SORL1: variants seen among roughly 807,000 people sequenced by gnomAD.
SORL1 encodes the protein sortilin-related receptor.
SORL1 carries 127 observed loss-of-function variants against 273.7 expected under a neutral mutation model. The observed-to-expected ratio is 0.46, with a 90% confidence interval of 0.40 to 0.54. The LOEUF (loss-of-function observed/expected upper bound fraction) is 0.54. Ranked by LOEUF, SORL1 falls within the 20% of genes least tolerant of loss-of-function variation. The probability of loss-of-function intolerance (pLI) is 0.00; values close to 1 mark genes in which losing one functional copy is unlikely to be tolerated. For missense variants in SORL1, 2,494 were observed against 2,846.1 expected, an observed-to-expected ratio of 0.88 and a Z score of 2.81; for synonymous variants, 1,031 against 1,067.4, an observed-to-expected ratio of 0.97 and a Z score of 0.66.
At chr11:121,620,125 AC>A (rs1274032304) in intron 43 of SORL1, among the ~76,000 whole-genome samples, 1 of 152,048 alleles carries the variant, frequency 6.6e-6, no homozygotes, top group Non-Finnish European at 1.5e-5. Context: ...ATTCCTAGCT[AC>A]CATTTTGGTT....
intron 14 of SORL1, among the ~76,000 whole-genome samples, chr11:121,547,963 C>G (rs1049172111): frequency 3.3e-5 from 5 of 152,146 alleles, no homozygotes; most frequent in African/African-American, 7.2e-5. Context: ...CTGGGAAGCC[C>G]AGCTATTGGC....
chr11:121,519,415 T>C (rs533763538), intron 8 of SORL1, among the ~76,000 whole-genome samples: 57 of 151,634 alleles, frequency 3.8e-4, no homozygotes, highest in African/African-American at 1.3e-3. Context: ...TCTCTCTCTT[T>C]TTTTTTTTTT....
At chr11:121,565,474 G>A (rs565647609) in intron 21 of SORL1, among the ~76,000 whole-genome samples, 48 of 152,246 alleles carry the variant, frequency 3.2e-4, no homozygotes, top group African/African-American at 1.1e-3. Flanking sequence ...CATGAACTTC[G>A]TCTAACCTGT....
intron 1 of SORL1, among the ~76,000 whole-genome samples, chr11:121,467,154 C>CT (rs1861096784): frequency 6.6e-6 from 1 of 151,574 alleles, no homozygotes; most frequent in African/African-American, 2.4e-5. Flanking sequence ...CTCAGCCTGC[C>CT]GAGTAGCTGG....
intron 6 of SORL1, among the ~76,000 whole-genome samples, chr11:121,506,350 A>T (rs892048611): frequency 6.6e-6 from 1 of 152,206 alleles, no homozygotes. Context: ...TTTACAAAAA[A>T]GGTTTATAAT....
At chr11:121,498,553 T>G (rs1861663707) in intron 6 of SORL1, among the ~76,000 whole-genome samples, 1 of 152,168 alleles carries the variant, frequency 6.6e-6, no homozygotes, top group Admixed American at 6.5e-5. Context: ...CCGGGTTATT[T>G]CTAGGTGTCA....
intron 27 of SORL1, among the ~76,000 whole-genome samples, chr11:121,587,247 C>G (rs928620171): frequency 6.6e-6 from 1 of 152,102 alleles, no homozygotes. Flanking sequence ...TTTAAGGAAC[C>G]ATCATGCAAT....
rs377348849 is a variant in SORL1 at position 121,583,542 on chromosome 11, C to T, written c.3665C>T (p.Thr1222Met). 60 of 1,612,244 alleles carry T rather than the reference C, an allele frequency of 3.7e-5. No individual in the cohort carries two copies. The highest frequency in any genetic ancestry group is 3.1e-4 in the African/African-American group (23 of 74,742). The change falls in exon 26 of 48, where the codon ACG becomes ATG. Residue 1222 changes from threonine to methionine, a missense_variant. By Grantham distance (81) the Thr-to-Met change is moderately conservative. This residue lies in a region of SORL1 where 1,609 missense variants were observed against 1,816.4 expected (regional missense o/e 0.89). Transcript: ENST00000260197. ...IPQRWACDGD[T>M]DCQDGSDEDP... ...CAGCGGTGGGCGTGTGACGGGGATA[C>T]GGACTGCCAGGATGGTTCCGATGAG...
intron 3 of SORL1, among the ~76,000 whole-genome samples, chr11:121,481,441 A>G (rs1377210145): frequency 2.6e-5 from 3 of 114,824 alleles, no homozygotes; most frequent in Admixed American, 8.2e-5. Context: ...GTGCACAGAT[A>G]CCTATAGGCA....
chr11:121,580,248 C>A (rs148028881), intron 25 of SORL1, among the ~76,000 whole-genome samples: 1,669 of 152,322 alleles, frequency 0.011, 11 homozygotes, highest in Non-Finnish European at 0.018. Flanking sequence ...GTCTTGTCTT[C>A]AGCAGTTACT....
intron 1 of SORL1, among the ~76,000 whole-genome samples, chr11:121,459,511 G>A (rs544449386): frequency 2.6e-5 from 4 of 152,312 alleles, no homozygotes; most frequent in African/African-American, 7.2e-5. Flanking sequence ...GGGCCAAGTG[G>A]GTCCGGTGGT....
At chr11:121,481,759 G>A (rs559805335) in intron 3 of SORL1, among the ~76,000 whole-genome samples, 84 of 74,570 alleles carry the variant, frequency 1.1e-3, no homozygotes, top group Middle Eastern at 9.6e-3. Context: ...GTGCACAGAT[G>A]TCTATAGGCA....
At chr11:121,501,371 T>C (rs2134828776) in intron 6 of SORL1, among the ~76,000 whole-genome samples, 1 of 152,334 alleles carries the variant, frequency 6.6e-6, no homozygotes, top group Admixed American at 6.5e-5. Context: ...CCATTACCAT[T>C]ACTTCCTTCT....
chr11:121,555,139 G>A (rs1272303935), intron 17 of SORL1, 48 bp from the exon 18 acceptor site: 1 of 1,559,370 alleles, frequency 6.4e-7, no homozygotes, highest in Non-Finnish European at 8.7e-7. Flanking sequence ...CTTGGCAGGG[G>A]GTCGTTTGAA....
rs141153296 is a variant in SORL1, at chr11:121,612,827, A to C, written c.5414A>C (p.His1805Pro). The change falls in exon 40 of 48, where the codon CAC (histidine) becomes CCC (proline). Residue 1805 changes from histidine to proline, a missense_variant. His to Pro is a moderately conservative substitution (Grantham distance 77). Around this residue, in one of 3 missense-constraint regions of SORL1, gnomAD observed 1,609 missense variants for 1,816.4 expected, o/e 0.89. Transcript: ENST00000260197. ...TLNFRGSILS[H>P]KVGNLTAHTS... Reference sequence around the variant, plus strand: ...AACTTCCGAGGAAGCATATTGTCACACAAAGGTAACACTTTGGTGCTGGTC... The same window carrying C: ...AACTTCCGAGGAAGCATATTGTCACCCAAAGGTAACACTTTGGTGCTGGTC... 11 of 1,610,006 alleles carry C rather than the reference A, an allele frequency of 6.8e-6. No individual in the cohort carries two copies. In the African/African-American group the frequency reaches 1.3e-4, roughly 20 times the overall value.
chr11:121,510,019 T>A (rs1266185094), intron 6 of SORL1, among the ~76,000 whole-genome samples: 1 of 152,226 alleles, frequency 6.6e-6, no homozygotes, highest in East Asian at 1.9e-4. Context: ...CCAATGGTAT[T>A]GTGCAGTTCT....
chr11:121,487,471 C>T (rs529338171), intron 3 of SORL1, among the ~76,000 whole-genome samples: 43 of 152,336 alleles, frequency 2.8e-4, no homozygotes, highest in Admixed American at 4.6e-4. Context: ...CTGCCAGCCA[C>T]AGTGGCAGCC....
chr11:121,607,339 C>G, intron 37 of SORL1, 49 bp downstream of exon 37: 1 of 1,057,870 alleles, frequency 9.5e-7, no homozygotes, highest in Non-Finnish European at 1.5e-6. Flanking sequence ...TAGAACTGAG[C>G]GAAATTGCTG....
intron 5 of SORL1, among the ~76,000 whole-genome samples, chr11:121,496,436 G>T (rs555386521): frequency 6.6e-6 from 1 of 152,318 alleles, no homozygotes; most frequent in East Asian, 1.9e-4. Flanking sequence ...AGGCTCAGAG[G>T]TTCATGGTGT....
Sources: gnomAD v4.1 joint callset for allele counts (sites outside exome capture counted in the v4.1 genomes callset) on GRCh38, gnomAD v4.1.1 for gene constraint, gnomAD v4.1.1 regional missense constraint, MANE v1.5 for transcripts, NCBI Gene and HGNC (gene_info 2026-07-23, HGNC 2026-07-21) for gene names.